TF: variants seen among roughly 807,000 people sequenced by gnomAD.
The protein encoded by TF is transferrin.
Under a neutral mutation model 82.4 loss-of-function variants are expected in TF, and 55 were observed. The ratio of observed to expected loss-of-function variants is 0.67; its 90% CI spans 0.54 to 0.84. The LOEUF (loss-of-function observed/expected upper bound fraction) is 0.84, where lower values mean the gene tolerates loss of function less well. Among genes scored for constraint, TF ranks in the 40% least tolerant of loss-of-function variants. The probability of loss-of-function intolerance (pLI) is 0.00; values close to 1 mark genes in which losing one functional copy is unlikely to be tolerated. For missense variants in TF, 737 were observed against 868.4 expected (o/e 0.85, Z 1.90); for synonymous variants, 332 against 332.6 (o/e 1.00, Z 0.02).
At chr3:133,748,639 C>T (rs1233694388) in intron 2 of TF, 55 bp downstream of exon 2, 1 of 1,599,040 alleles carries the variant, frequency 6.3e-7, no homozygotes, top group Non-Finnish European at 8.5e-7. Context: ...TCTCTGTTTC[C>T]AGTCACTTTG....
chr3:133,779,423 A>G lies in TF; in HGVS notation c.*803A>G, dbSNP rs1345527577. The G allele has an allele frequency of 6.6e-6, 1 of 152,228 alleles. No individual in the cohort carries two copies. Among genetic ancestry groups the G allele is most frequent in the Non-Finnish European group, 1.5e-5 (1 of 68,068 alleles). 9.4% of individuals were successfully genotyped at this position (152,228 alleles called of 1,614,324 possible). On this transcript the variant is annotated 3_prime_UTR_variant, in exon 17 of 17. Coordinates refer to ENST00000402696, the MANE Select transcript of TF (RefSeq NM_001063.4). The stretch of plus-strand genomic sequence containing the variant: ...CGTCTACCTGCCAACTGTTAAACCA[A>G]TTCAGGTCTTCCATTCCTGAGCCCA...
chr3:133,756,897 C>T lies in TF; in HGVS notation c.758C>T (p.Pro253Leu), dbSNP rs765365044. 8 of 1,614,192 alleles carry T rather than the reference C, an allele frequency of 5.0e-6. No homozygotes were observed. Among genetic ancestry groups the T allele is most frequent in the East Asian group, 4.5e-5 (2 of 44,882 alleles). Residue 253 changes from proline to leucine, a missense_variant, in exon 7 of 17, where the codon CCG becomes CTG. Pro to Leu is a moderately conservative substitution (Grantham distance 98). Coordinates refer to ENST00000402696, the MANE Select transcript of TF (RefSeq NM_001063.4). ...ELLCLDNTRK[P>L]VDEYKDCHLA... ...CTTTGCCTGGACAACACCCGGAAGC[C>T]GGTAGATGAATACAAGGACTGCCAC...
rs1215044287 is a variant in TF at position 133,790,570 on chromosome 3, A to T, written c.*11950A>T. ...TTTAAAACCTGATAGAGAATTGGAG[A>T]TATTTGGCTAATTAACATTTTCATA... is the stretch of plus-strand genomic sequence containing the variant. On this transcript the variant is annotated 3_prime_UTR_variant, in exon 17 of 17. Coordinates refer to ENST00000402696, the MANE Select transcript of TF (RefSeq NM_001063.4). 2.0e-5 allele frequency: 3 copies of T among 152,254 alleles called. No individual in the cohort carries two copies. In the East Asian group the frequency reaches 5.8e-4, roughly 29 times the overall value. 9.4% of individuals were successfully genotyped at this position (152,254 alleles called of 1,614,324 possible). A position where few individuals can be genotyped will look rare whatever the true frequency, so the allele number is the denominator to read the frequency against.
the TF span, among the ~76,000 whole-genome samples, chr3:133,715,550 A>G: frequency 1.3e-5 from 2 of 152,140 alleles, no homozygotes; most frequent in African/African-American, 2.4e-5. Flanking sequence ...CTTAAACACA[A>G]ATAACTAAGT....
intron 4 of TF, among the ~76,000 whole-genome samples, chr3:133,754,907 G>C (rs1933782076): frequency 6.6e-6 from 1 of 152,250 alleles, no homozygotes; most frequent in East Asian, 1.9e-4. Context: ...TGATGAGTGA[G>C]GAAAGGGCGC....
At chr3:133,759,720 G>A (rs1462207296) in intron 9 of TF, among the ~76,000 whole-genome samples, 1 of 152,172 alleles carries the variant, frequency 6.6e-6, no homozygotes, top group African/African-American at 2.4e-5. Context: ...GCCTGGCATG[G>A]TGGCATGCAC....
At chr3:133,714,154 G>A in the TF span, among the ~76,000 whole-genome samples, 1 of 152,126 alleles carries the variant, frequency 6.6e-6, no homozygotes, top group Admixed American at 6.5e-5. Flanking sequence ...ATGGGGGCAG[G>A]GCAAGTCATG....
chr3:133,740,314 C>T, the TF span, among the ~76,000 whole-genome samples: 1 of 152,096 alleles, frequency 6.6e-6, no homozygotes, highest in Non-Finnish European at 1.5e-5. Context: ...AGGGGAACAT[C>T]ACACACTGGG....
the TF span, chr3:133,699,377 G>A: frequency 5.0e-6 from 4 of 805,898 alleles, no homozygotes; most frequent in South Asian, 1.3e-5. Flanking sequence ...TCGGTGAGGG[G>A]CATGGGTCAT....
At position 133,789,684 on chromosome 3, in the gene TF, C is replaced by T. The variant is rs939359880; in HGVS notation, c.*11064C>T. 6.6e-6 allele frequency: 1 copy of T among 152,136 alleles called. No homozygotes were observed. The highest frequency in any genetic ancestry group is 2.4e-5 in the African/African-American group (1 of 41,422). The allele number at this position is 152,136 out of a possible 1,614,324, so 9.4% of individuals were successfully genotyped here. A position where few individuals can be genotyped will look rare whatever the true frequency, so the allele number is the denominator to read the frequency against. On this transcript the variant is annotated 3_prime_UTR_variant, in exon 17 of 17. Transcript: ENST00000402696. Reference sequence around the variant, plus strand: ...CGAAGCAATTTTCAAGTTCACATGACTTAAGTATAACTTTCCTAAACAGGC... The same window carrying T: ...CGAAGCAATTTTCAAGTTCACATGATTTAAGTATAACTTTCCTAAACAGGC...
At chr3:133,744,800 A>G (rs1933459062), upstream of TF, among the ~76,000 whole-genome samples, 1 of 152,196 alleles carries the variant, frequency 6.6e-6, no homozygotes, top group African/African-American at 2.4e-5. Context: ...AGTGTGGGAG[A>G]ACATAATCTA....
Position 133,784,904 on chromosome 3 carries a change from C to T in TF, c.*6284C>T, listed in dbSNP as rs1172890102. ...TGTTCTGTGTGTGCATTTTATTTCT[C>T]ACGACTGTATATGTAGTTAACAATA... On this transcript the variant is annotated 3_prime_UTR_variant, in exon 17 of 17. Transcript: ENST00000402696. The T allele has an allele frequency of 2.0e-5, 3 of 152,324 alleles. No individual in the cohort carries two copies. The highest frequency in any genetic ancestry group is 4.4e-5 in the Non-Finnish European group (3 of 68,098). The allele number at this position is 152,324 out of a possible 1,614,324, so 9.4% of individuals were successfully genotyped here.
chr3:133,689,708 T>C, the TF span, among the ~76,000 whole-genome samples: 1 of 152,068 alleles, frequency 6.6e-6, no homozygotes, highest in Non-Finnish European at 1.5e-5. Flanking sequence ...GAGAACAAAA[T>C]TCAGATACAT....
At chr3:133,760,868 C>A (rs1199794278) in intron 9 of TF, 1 of 152,876 alleles carries the variant, frequency 6.5e-6, no homozygotes, top group East Asian at 1.9e-4. Context: ...TTATATGCTA[C>A]TTTAGGAGGT....
the TF span, among the ~76,000 whole-genome samples, chr3:133,708,718 A>T: frequency 6.7e-6 from 1 of 150,334 alleles, no homozygotes; most frequent in Non-Finnish European, 1.5e-5. Context: ...GTATATATGT[A>T]TAAATACATA....
chr3:133,677,089 G>A, the TF span, among the ~76,000 whole-genome samples: 1 of 152,240 alleles, frequency 6.6e-6, no homozygotes, highest in Non-Finnish European at 1.5e-5. Context: ...AGAGCCAGGA[G>A]CCAAGGGCTC....
chr3:133,677,276 G>T, the TF span, among the ~76,000 whole-genome samples: 1 of 152,224 alleles, frequency 6.6e-6, no homozygotes, highest in African/African-American at 2.4e-5. Flanking sequence ...AGTGCTTTTA[G>T]TGAGTGACCT....
intron 14 of TF, among the ~76,000 whole-genome samples, chr3:133,771,812 T>C (rs1576366621): frequency 1.4e-5 from 2 of 141,666 alleles, no homozygotes; most frequent in African/African-American, 5.4e-5. Context: ...ACAGCCATAA[T>C]ATTAATAAAA....
Position 133,791,622 on chromosome 3 carries a change from T to A in TF, c.*13002T>A, listed in dbSNP as rs916868813. 6.6e-6 allele frequency: 1 copy of A among 152,206 alleles called. No individual in the cohort carries two copies. Among genetic ancestry groups the A allele is most frequent in the African/African-American group, 2.4e-5 (1 of 41,460 alleles). The allele number at this position is 152,206 out of a possible 1,614,324, so 9.4% of individuals were successfully genotyped here. ...CTTTGTGTCTTTCTGTATTGTTTTG[T>A]CATAAAGAGGGGTACCTTAGAATAA... On this transcript the variant is annotated 3_prime_UTR_variant, in exon 17 of 17. Coordinates refer to ENST00000402696, the MANE Select transcript of TF (RefSeq NM_001063.4).
Sources: gnomAD v4.1 joint callset for allele counts (sites outside exome capture counted in the v4.1 genomes callset) on GRCh38, gnomAD v4.1.1 for gene constraint, MANE v1.5 for transcripts, NCBI Gene and HGNC (gene_info 2026-07-23, HGNC 2026-07-21) for gene names.